PAX6: variants seen among roughly 807,000 people sequenced by gnomAD.
PAX6 encodes paired box protein Pax-6.
PAX6 carries 7 observed loss-of-function variants against 60.7 expected under a neutral mutation model. That is an observed-to-expected ratio of 0.12 (90% CI 0.07 to 0.22). PAX6 has a LOEUF of 0.22. Among genes scored for constraint, PAX6 ranks in the 10% least tolerant of loss-of-function variants. The pLI, the probability that PAX6 is intolerant of heterozygous loss-of-function variation, is 1.00. For missense variants in PAX6, 355 were observed against 555.2 expected (o/e 0.64, Z 3.62); for synonymous variants, 208 against 201.2 (o/e 1.03, Z -0.29).
Position 31,792,813 on chromosome 11 carries a change from G to T in PAX6, c.1074+625C>A, listed in dbSNP as rs146112817. ...TCAAGCTTCCCAGGCAGCTAGGAGG[G>T]CCACAAACTCGTCACACCATTCACA... is the stretch of plus-strand genomic sequence containing the variant. On this transcript the variant is annotated intron_variant, in intron 12 of 13. Transcript: ENST00000640368. 638 of 194,088 alleles carry T rather than the reference G, an allele frequency of 3.3e-3. 10 individuals carry two copies. Among genetic ancestry groups the T allele is most frequent in the African/African-American group, 0.014 (610 of 42,156 alleles). The allele number at this position is 194,088 out of a possible 1,614,324, so 12.0% of individuals were successfully genotyped here.
At chr11:31,800,470 C>T (rs551257832) in intron 8 of PAX6, 23 of 657,528 alleles carry the variant, frequency 3.5e-5, no homozygotes, top group African/African-American at 2.1e-4. Context: ...ACCTTCATAC[C>T]GCTCCTGACA....
At chr11:31,793,966 C>A (rs1047662144) in intron 10 of PAX6, 66 bp downstream of exon 10, 2 of 1,288,718 alleles carry the variant, frequency 1.6e-6, no homozygotes, top group Middle Eastern at 1.8e-4. Context: ...TGTACAAGCA[C>A]CTCTGTCTCT....
rs757953783 is a variant in PAX6, at chr11:31,793,471, G to A, written c.1041C>T (p.Pro347=). The change falls in exon 12 of 14, where the codon CCC becomes CCT. Residue 347 remains proline (P), a synonymous_variant. Coordinates refer to ENST00000640368, the MANE Select transcript of PAX6 (RefSeq NM_001368894.2). Reference sequence around the variant, plus strand: ...GCAGGTTATTTGCCATGGTGAAGCTGGGCATAGGCGGCAGAGCGCTGTAGG... The same window carrying A: ...GCAGGTTATTTGCCATGGTGAAGCTAGGCATAGGCGGCAGAGCGCTGTAGG... ...TNTYSALPPM[P]SFTMANNLPM... 3 of 1,614,244 alleles carry A rather than the reference G, an allele frequency of 1.9e-6. No individual in the cohort carries two copies. Among genetic ancestry groups the A allele is most frequent in the Admixed American group, 3.3e-5 (2 of 60,032 alleles).
intron 4 of PAX6, chr11:31,804,216 G>T (rs1029498366): frequency 1.3e-5 from 2 of 152,392 alleles, no homozygotes; most frequent in Non-Finnish European, 2.9e-5. Context: ...TCCGGATCAT[G>T]CATGGAAGGC....
upstream of PAX6, among the ~76,000 whole-genome samples, chr11:31,815,170 T>C (rs1402213255): frequency 6.6e-6 from 1 of 152,220 alleles, no homozygotes; most frequent in Non-Finnish European, 1.5e-5. Flanking sequence ...TCCATGCTGT[T>C]GTCCAGATAG....
At position 31,802,794 on chromosome 11, in the gene PAX6, G is replaced by A. The variant is rs1388158419; in HGVS notation, c.51C>T (p.Asn17=). 2.5e-6 allele frequency: 4 copies of A among 1,613,994 alleles called. No individual in the cohort carries two copies. The South Asian group carries it at 4.4e-5, about 18-fold the overall frequency. The change falls in exon 5 of 14, where the codon AAC becomes AAT. Residue 17 remains asparagine (N), a synonymous_variant. Transcript: ENST00000640368. ...GGGTGGAGTCCGGCAGTGGCCGCCC[G>A]TTGACAAAGACACCACCGAGCTGAT... is the stretch of plus-strand genomic sequence containing the variant. ...GVNQLGGVFV[N]GRPLPDSTRQ... is the part of the protein sequence containing the mutation.
intron 7 of PAX6, chr11:31,801,325 C>A: frequency 7.0e-7 from 1 of 1,432,006 alleles, no homozygotes; most frequent in Non-Finnish European, 9.1e-7. Flanking sequence ...TGCCTCCGCC[C>A]TCTGTTTTGC....
rs1421718536 is a variant in PAX6 at position 31,789,502 on chromosome 11, T to A, written c.*432A>T. On this transcript the variant is annotated 3_prime_UTR_variant, in exon 14 of 14. Coordinates refer to ENST00000640368, the MANE Select transcript of PAX6 (RefSeq NM_001368894.2). ...CATCAGTCCATAAACTATGAACAGA[T>A]GGGTAGAAGTATTCGATATATCTTG... 3 of 568,494 alleles carry A rather than the reference T, an allele frequency of 5.3e-6. No homozygotes were observed. The highest frequency in any genetic ancestry group is 3.4e-5 in the Admixed American group (1 of 29,748). 35.2% of individuals were successfully genotyped at this position (568,494 alleles called of 1,614,324 possible).
chr11:31,802,857 A>C (rs1954566423), intron 4 of PAX6, 23 bp from the exon 5 acceptor site: 2 of 1,611,790 alleles, frequency 1.2e-6, no homozygotes, highest in African/African-American at 2.7e-5. Flanking sequence ...AGAGGAGAGG[A>C]AAGGGGAAAA....
At chr11:31,796,056 G>A (rs1467321024) in intron 8 of PAX6, among the ~76,000 whole-genome samples, 1 of 152,266 alleles carries the variant, frequency 6.6e-6, no homozygotes, top group Non-Finnish European at 1.5e-5. Context: ...ACAGGATCTA[G>A]TGGGATCTTT....
chr11:31,800,534 C>A (rs1021943670), intron 8 of PAX6, 157 bp downstream of exon 8: 12 of 913,188 alleles, frequency 1.3e-5, no homozygotes, highest in Non-Finnish European at 2.0e-5. Context: ...ACACCACCTA[C>A]ATACAATGTG....
chr11:31,803,153 G>C, intron 4 of PAX6: 1 of 422,088 alleles, frequency 2.4e-6, no homozygotes, highest in Non-Finnish European at 4.5e-6. Context: ...CAGCAACACA[G>C]AGTCAGACAC....
rs1297333464 is a variant in PAX6 at position 31,789,684 on chromosome 11, A to G, written c.*250T>C. On this transcript the variant is annotated 3_prime_UTR_variant, in exon 14 of 14. Transcript: ENST00000640368. The stretch of plus-strand genomic sequence containing the variant: ...ACAAATGCCCATTTACAAATAATAC[A>G]CCAAAATGAATAAAAGTTTGGATAC... The G allele has an allele frequency of 4.3e-6, 3 of 702,706 alleles. No individual in the cohort carries two copies. In the African/African-American group the frequency reaches 5.2e-5, roughly 12 times the overall value. The allele number at this position is 702,706 out of a possible 1,614,324, so 43.5% of individuals were successfully genotyped here.
chr11:31,792,428 A>C, intron 12 of PAX6: 1 of 152,218 alleles, frequency 6.6e-6, no homozygotes, highest in Non-Finnish European at 1.5e-5. Flanking sequence ...TGAAACATTT[A>C]TTTTGCTGTT....
Position 31,789,912 on chromosome 11 carries a change from CT to C in PAX6, c.*21del, listed in dbSNP as rs759391101. The C allele has an allele frequency of 0.21, 214,924 of 1,034,650 alleles. 1,896 individuals carry two copies. Among genetic ancestry groups the C allele is most frequent in the Non-Finnish European group, 0.22 (161,645 of 719,230 alleles). The allele number at this position is 1,034,650 out of a possible 1,614,324, so 64.1% of individuals were successfully genotyped here. On this transcript the variant is annotated 3_prime_UTR_variant, in exon 14 of 14. Transcript: ENST00000640368. The stretch of plus-strand genomic sequence containing the variant: ...CTGAATTAACACAATATTTCCTTTC[CT>C]TTTTTTTTTTTTTTTTTTTTTTACT...
At chr11:31,793,842 C>G in intron 10 of PAX6, 40 bp from the exon 11 acceptor site, 1 of 1,613,280 alleles carries the variant, frequency 6.2e-7, no homozygotes, top group Non-Finnish European at 8.5e-7. Context: ...GTGTCTACGT[C>G]GAGCCCAGCC....
At chr11:31,807,245 G>C (rs1322594252) in intron 2 of PAX6, 1 of 152,494 alleles carries the variant, frequency 6.6e-6, no homozygotes, top group African/African-American at 2.4e-5. Context: ...GTAAGGAGTA[G>C]AGGCCAAGAG....
In PAX6 at chr11:31,811,246, C is replaced by A. The variant is rs1248386189; in HGVS notation, c.-448G>T. ...TCATCCTCCAGCAAAACACTTCCTC[C>A]TGCGCCTGAACCAGAGCGGGAAATG... On this transcript the variant is annotated 5_prime_UTR_variant, in exon 1 of 14. It adds an upstream start codon to the 5' untranslated region. Transcript: ENST00000640368. The A allele has an allele frequency of 1.0e-5, 4 of 399,104 alleles. No individual in the cohort carries two copies. In the East Asian group the frequency reaches 1.4e-4, roughly 14 times the overall value. 24.7% of individuals were successfully genotyped at this position (399,104 alleles called of 1,614,324 possible). A position where few individuals can be genotyped will look rare whatever the true frequency, so the allele number is the denominator to read the frequency against.
At chr11:31,798,187 C>T (rs1182600879) in intron 8 of PAX6, among the ~76,000 whole-genome samples, 1 of 97,886 alleles carries the variant, frequency 1.0e-5, no homozygotes, top group African/African-American at 4.1e-5. Flanking sequence ...CTATAGAGGG[C>T]TTGGGTATTA....
Sources: allele counts gnomAD v4.1 joint callset (sites outside exome capture counted in the v4.1 genomes callset), GRCh38; gene constraint gnomAD v4.1.1; transcripts MANE v1.5; gene names NCBI Gene and HGNC (gene_info 2026-07-23, HGNC 2026-07-21).